The following PGGT1B variants were observed in gnomAD, a reference collection of about 807,000 sequenced individuals.
The protein encoded by PGGT1B is protein geranylgeranyltransferase type I subunit beta, also known as geranylgeranyl transferase type-1 subunit beta.
Under a neutral mutation model 46.1 loss-of-function variants are expected in PGGT1B, and 30 were observed. That is an observed-to-expected ratio of 0.65 (90% CI 0.49 to 0.88). The LOEUF (loss-of-function observed/expected upper bound fraction) is 0.88. Among genes scored for constraint, PGGT1B ranks in the 40% least tolerant of loss-of-function variants. The pLI, the probability that PGGT1B is intolerant of heterozygous loss-of-function variation, is 0.00. For missense variants in PGGT1B, 376 were observed against 455.9 expected (o/e 0.82, Z 1.60); for synonymous variants, 170 against 160.0 (o/e 1.06, Z -0.47).
chr5:115,254,601 C>CTT lies in PGGT1B; in HGVS notation c.141-1348_141-1347dup, dbSNP rs57405842. Among the ~76,000 whole-genome samples the CTT allele has an allele frequency of 8.5e-3, 1,224 of 143,236 alleles. 25 individuals are homozygous for CTT. The highest frequency in any genetic ancestry group is 0.053 in the Admixed American group (760 of 14,348). 94.0% of individuals were successfully genotyped at this position (143,236 alleles called of 152,430 possible). On this transcript the variant is annotated intron_variant, in intron 1 of 8. Coordinates refer to ENST00000419445, the MANE Select transcript of PGGT1B (RefSeq NM_005023.4). ...AGATGAGAAAATAGTGATTTCTTCT[C>CTT]TTTTTTTTTTTTTTAAGGGCAAATT...
At chr5:115,250,374 G>C (rs1748038963) in intron 2 of PGGT1B, among the ~76,000 whole-genome samples, 1 of 152,160 alleles carries the variant, frequency 6.6e-6, no homozygotes, top group Non-Finnish European at 1.5e-5. Context: ...GTTGGAGAAG[G>C]GGCAGGTGAT....
rs1258026109 is a variant in PGGT1B at position 115,210,687 on chromosome 5, G to A, written c.*1715C>T. 2.0e-5 allele frequency: 3 copies of A among 151,574 alleles called. No homozygotes were observed. Among genetic ancestry groups the A allele is most frequent in the African/African-American group, 7.3e-5 (3 of 41,238 alleles). 9.4% of individuals were successfully genotyped at this position (151,574 alleles called of 1,614,324 possible). A position where few individuals can be genotyped will look rare whatever the true frequency, so the allele number is the denominator to read the frequency against. On this transcript the variant is annotated 3_prime_UTR_variant, in exon 9 of 9. Coordinates refer to ENST00000419445, the MANE Select transcript of PGGT1B (RefSeq NM_005023.4). ...TTGGTGATACAGAAAAAACAATTTG[G>A]GCTTTTTATATAGTCCTAAAGCCAT...
At chr5:115,231,071 T>C (rs746121128) in intron 5 of PGGT1B, 50 bp from the exon 6 acceptor site, 3 of 935,376 alleles carry the variant, frequency 3.2e-6, no homozygotes, top group East Asian at 2.9e-5. Flanking sequence ...ATAATAATAA[T>C]AAATGAATAA....
At chr5:115,250,641 A>C (rs1748052920) in intron 2 of PGGT1B, among the ~76,000 whole-genome samples, 1 of 152,182 alleles carries the variant, frequency 6.6e-6, no homozygotes, top group Non-Finnish European at 1.5e-5. Context: ...TTCTAACTCC[A>C]AAAAATGTTT....
intron 5 of PGGT1B, among the ~76,000 whole-genome samples, 197 bp from the exon 6 acceptor site, chr5:115,231,218 C>G (rs1004763562): frequency 1.3e-5 from 2 of 151,966 alleles, no homozygotes; most frequent in Admixed American, 1.3e-4. Flanking sequence ...TTCTTATTCA[C>G]CAAGCCAAAT....
At chr5:115,237,794 T>C (rs992315386) in intron 4 of PGGT1B, 64 bp downstream of exon 4, 3 of 1,369,314 alleles carry the variant, frequency 2.2e-6, no homozygotes, top group African/African-American at 1.4e-5. Context: ...TAGTACTGTA[T>C]CCATTTTTTA....
At chr5:115,220,879 T>C (rs1386548490) in intron 7 of PGGT1B, among the ~76,000 whole-genome samples, 1 of 151,948 alleles carries the variant, frequency 6.6e-6, no homozygotes, top group Non-Finnish European at 1.5e-5. Context: ...AATAATTCAG[T>C]GAATTGAAGG....
chr5:115,225,782 A>G lies in PGGT1B; in HGVS notation c.659-3774T>C, dbSNP rs539750952. On this transcript the variant is annotated intron_variant, in intron 6 of 8. Transcript: ENST00000419445. The stretch of plus-strand genomic sequence containing the variant: ...TGCCTCTGCCTCCCGAGTAGCTAGG[A>G]TTACAGGTGTGTGCCACCACATTTG... Among the ~76,000 whole-genome samples the G allele has an allele frequency of 2.5e-3, 374 of 151,544 alleles. 1 individual carries two copies. Among genetic ancestry groups the G allele is most frequent in the African/African-American group, 8.5e-3 (352 of 41,248 alleles).
chr5:115,256,345 T>C (rs951880473), intron 1 of PGGT1B, among the ~76,000 whole-genome samples: 5 of 152,184 alleles, frequency 3.3e-5, no homozygotes, highest in African/African-American at 9.7e-5. Flanking sequence ...GTTATCTGAA[T>C]GATCTGTTTG....
rs80244533 is a variant in PGGT1B, at chr5:115,261,419, A to C, written c.140+1293T>G. Among the ~76,000 whole-genome samples the C allele has an allele frequency of 8.8e-3, 1,339 of 152,366 alleles. 17 individuals carry two copies. Among genetic ancestry groups the C allele is most frequent in the African/African-American group, 0.031 (1,273 of 41,594 alleles). On this transcript the variant is annotated intron_variant, in intron 1 of 8. Coordinates refer to ENST00000419445, the MANE Select transcript of PGGT1B (RefSeq NM_005023.4). ...TTAAGGTCCTAGTGCAATGTTGACC[A>C]AAAGGACTAAGCTGTTGCAAATGTT... is the stretch of plus-strand genomic sequence containing the variant.
intron 6 of PGGT1B, among the ~76,000 whole-genome samples, chr5:115,225,174 G>A (rs1488996040): frequency 6.6e-6 from 1 of 152,170 alleles, no homozygotes; most frequent in Non-Finnish European, 1.5e-5. Context: ...AAGGATAATA[G>A]TAAGAATATT....
rs1363764380 is a variant in PGGT1B at position 115,221,421 on chromosome 5, C to T, written c.843+403G>A. ...CTTACATGGTTTTTGAAGAAATGAC[C>T]CATGGTTTGTCTTTTAAGATTAATA... On this transcript the variant is annotated intron_variant, in intron 7 of 8. Coordinates refer to ENST00000419445, the MANE Select transcript of PGGT1B (RefSeq NM_005023.4). Among the ~76,000 whole-genome samples the T allele has an allele frequency of 5.3e-5, 8 of 151,756 alleles. 1 individual carries two copies. The highest frequency in any genetic ancestry group is 5.3e-4 in the Admixed American group (8 of 15,204).
Position 115,257,478 on chromosome 5 carries a change from C to T in PGGT1B, c.141-4223G>A, listed in dbSNP as rs530207794. 2.2e-5 allele frequency among the ~76,000 whole-genome samples: 3 copies of T among 135,576 alleles called. No homozygotes were observed. The East Asian group carries it at 6.4e-4, about 29-fold the overall frequency. The allele number at this position is 135,576 out of a possible 152,430, so 88.9% of individuals were successfully genotyped here. On this transcript the variant is annotated intron_variant, in intron 1 of 8. Coordinates refer to ENST00000419445, the MANE Select transcript of PGGT1B (RefSeq NM_005023.4). ...ACAGTGAGCTGAGGTTGCAGTGAGC[C>T]GAGATCGTGCCATTGCACTCCAGCC...
At chr5:115,238,262 A>T (rs1034354805) in intron 3 of PGGT1B, among the ~76,000 whole-genome samples, 3 of 142,032 alleles carry the variant, frequency 2.1e-5, no homozygotes, top group Non-Finnish European at 4.6e-5. Flanking sequence ...ATTCAGGTAA[A>T]GCAAATTATG....
At chr5:115,251,466 A>C (rs1748092460) in intron 2 of PGGT1B, among the ~76,000 whole-genome samples, 1 of 152,144 alleles carries the variant, frequency 6.6e-6, no homozygotes, top group Non-Finnish European at 1.5e-5. Flanking sequence ...GTAAACACTT[A>C]TTAAAGAACA....
chr5:115,242,180 T>TAA (rs1757367387), intron 2 of PGGT1B, among the ~76,000 whole-genome samples: 1 of 152,230 alleles, frequency 6.6e-6, no homozygotes, highest in East Asian at 1.9e-4. Context: ...TAGAACACTG[T>TAA]AAGTTAGCAC....
chr5:115,243,471 A>G (rs1376152441), intron 2 of PGGT1B, among the ~76,000 whole-genome samples: 1 of 152,244 alleles, frequency 6.6e-6, no homozygotes, highest in Admixed American at 6.5e-5. Context: ...TTTTATGTTT[A>G]TAATTAAGCA....
intron 3 of PGGT1B, among the ~76,000 whole-genome samples, chr5:115,241,111 T>G (rs757377626): frequency 2.0e-5 from 3 of 152,214 alleles, no homozygotes; most frequent in Middle Eastern, 3.2e-3. Flanking sequence ...GGCTTTTTCT[T>G]TTATTCCTAA....
rs535659345 is a variant in PGGT1B at position 115,253,600 on chromosome 5, C to A, written c.141-345G>T. 2.6e-5 allele frequency among the ~76,000 whole-genome samples: 4 copies of A among 151,878 alleles called. No homozygotes were observed. In the South Asian group the frequency reaches 8.3e-4, roughly 31 times the overall value. On this transcript the variant is annotated intron_variant, in intron 1 of 8. Transcript: ENST00000419445. ...ACTAATCAGTACAAATAGTACAGGA[C>A]TTAGAAATATGTGAAAATGTCAATT...
Sources: gnomAD v4.1 joint callset for allele counts (sites outside exome capture counted in the v4.1 genomes callset) on GRCh38, gnomAD v4.1.1 for gene constraint, MANE v1.5 for transcripts, NCBI Gene and HGNC (gene_info 2026-07-23, HGNC 2026-07-21) for gene names.